The following EPHA6 variants were observed in gnomAD, a reference collection of about 807,000 sequenced individuals.
EPHA6 encodes the protein EPH receptor A6.
A neutral mutation model predicts 112.0 loss-of-function variants in EPHA6; 50 were observed. That is an observed-to-expected ratio of 0.45 (90% CI 0.36 to 0.56). EPHA6 has a LOEUF of 0.56. EPHA6 is among the 20% of genes least tolerant of loss of function. The pLI is 0.00. For synonymous variants in EPHA6, 529 were observed against 490.7 expected (o/e 1.08, Z -1.03); for missense variants, 1,280 against 1,417.4 (o/e 0.90, Z 1.56).
chr3:97,317,369 G>A (rs2081893931), intron 5 of EPHA6, among the ~76,000 whole-genome samples: 2 of 151,942 alleles, frequency 1.3e-5, no homozygotes, highest in African/African-American at 2.4e-5. Context: ...GCCCTGATGT[G>A]TAACCCAACC....
At chr3:97,380,283 T>C (rs1376172921) in intron 5 of EPHA6, among the ~76,000 whole-genome samples, 4 of 152,116 alleles carry the variant, frequency 2.6e-5, no homozygotes, top group Non-Finnish European at 5.9e-5. Flanking sequence ...AAAAAAGTTA[T>C]TGAAAAAAGA....
Position 97,749,165 on chromosome 3 carries a change from T to C in EPHA6, c.*464T>C, listed in dbSNP as rs2035833103. The stretch of plus-strand genomic sequence containing the variant: ...ATTTTTAGATAATTATATTCAGCTC[T>C]ATTGGTTGTATTATTACTTTATTTT... On this transcript the variant is annotated 3_prime_UTR_variant, in exon 18 of 18. Transcript: ENST00000389672. 2 of 229,492 alleles carry C rather than the reference T, an allele frequency of 8.7e-6. No individual in the cohort carries two copies. Among genetic ancestry groups the C allele is most frequent in the Non-Finnish European group, 1.7e-5 (2 of 115,400 alleles). The allele number at this position is 229,492 out of a possible 1,614,324, so 14.2% of individuals were successfully genotyped here.
At chr3:96,941,648 C>T (rs1214502430) in intron 2 of EPHA6, among the ~76,000 whole-genome samples, 2 of 152,324 alleles carry the variant, frequency 1.3e-5, no homozygotes, top group African/African-American at 2.4e-5. Flanking sequence ...TGAGGAACTG[C>T]GTTCCTTTGG....
Position 97,748,572 on chromosome 3 carries a change from TCTC to T in EPHA6, c.3279-12_3279-10del, listed in dbSNP as rs1433960272. On this transcript the variant is annotated splice_polypyrimidine_tract_variant and intron_variant, in intron 17 of 17. Coordinates refer to ENST00000389672, the MANE Select transcript of EPHA6 (RefSeq NM_001080448.3). ...CTCACTCTCGCTCTCACTCTTGCTC[TCTC>T]CTTTCTTTCAGTGACATTAGAAGAA... 3 of 1,381,206 alleles carry T rather than the reference TCTC, an allele frequency of 2.2e-6. No individual in the cohort carries two copies. The highest frequency in any genetic ancestry group is 1.7e-5 in the Admixed American group (1 of 58,692). 85.6% of individuals were successfully genotyped at this position (1,381,206 alleles called of 1,614,324 possible).
chr3:97,748,654 T>C lies in EPHA6; in HGVS notation c.3346T>C (p.Leu1116=), dbSNP rs780265753. Residue 1116 remains leucine, a synonymous_variant, in exon 18 of 18, where the codon TTA becomes CTA. Transcript: ENST00000389672. The stretch of plus-strand genomic sequence containing the variant: ...ACGAATAGTCAGCAGCATACAGACT[T>C]TACGTTTACACATGATGCACATACA... The part of the protein sequence containing the change: ...QRRIVSSIQT[L]RLHMMHIQEK... 1.2e-6 allele frequency: 2 copies of C among 1,612,288 alleles called. No homozygotes were observed. The highest frequency in any genetic ancestry group is 2.2e-5 in the East Asian group (1 of 44,864).
intron 3 of EPHA6, among the ~76,000 whole-genome samples, chr3:97,044,793 C>A (rs1457093567): frequency 6.6e-6 from 1 of 151,748 alleles, no homozygotes; most frequent in Non-Finnish European, 1.5e-5. Context: ...TTGAACTGTA[C>A]ATTAGAATAC....
chr3:97,189,265 CA>C (rs1262853821), intron 3 of EPHA6, among the ~76,000 whole-genome samples: 1 of 151,926 alleles, frequency 6.6e-6, no homozygotes, highest in African/African-American at 2.4e-5. Flanking sequence ...TAAGGATAAT[CA>C]ATATCAAGAA....
At chr3:96,988,522 CAT>C (rs747658404) in intron 3 of EPHA6, among the ~76,000 whole-genome samples, 2 of 152,056 alleles carry the variant, frequency 1.3e-5, no homozygotes, top group Non-Finnish European at 2.9e-5. Context: ...TTATTTCTAT[CAT>C]ATTGAATTAT....
intron 3 of EPHA6, among the ~76,000 whole-genome samples, chr3:97,122,407 A>C (rs1244144344): frequency 6.6e-6 from 1 of 152,078 alleles, no homozygotes; most frequent in Non-Finnish European, 1.5e-5. Flanking sequence ...GTTTTAATGG[A>C]TCTCAGAATC....
chr3:97,025,396 A>G (rs1234501823), intron 3 of EPHA6, among the ~76,000 whole-genome samples: 4 of 152,140 alleles, frequency 2.6e-5, no homozygotes, highest in Admixed American at 1.3e-4. Flanking sequence ...ATTTTATACT[A>G]GTCTTTTGCC....
chr3:97,310,266 G>A (rs1328824993), intron 5 of EPHA6, among the ~76,000 whole-genome samples: 1 of 151,466 alleles, frequency 6.6e-6, no homozygotes, highest in African/African-American at 2.4e-5. Flanking sequence ...CAGAGGATTT[G>A]CTGGCAGGCA....
At chr3:96,925,228 T>A (rs1283618705) in intron 2 of EPHA6, among the ~76,000 whole-genome samples, 1 of 152,162 alleles carries the variant, frequency 6.6e-6, no homozygotes, top group Non-Finnish European at 1.5e-5. Flanking sequence ...ATGTTACAGC[T>A]CTTTTTTGTG....
intron 2 of EPHA6, among the ~76,000 whole-genome samples, chr3:96,895,451 G>A (rs920360288): frequency 3.3e-5 from 5 of 152,062 alleles, no homozygotes; most frequent in African/African-American, 9.6e-5. Flanking sequence ...ATTTATTATT[G>A]GAGAAAGAAA....
At chr3:97,065,817 T>C (rs142726447) in intron 3 of EPHA6, among the ~76,000 whole-genome samples, 2,012 of 152,188 alleles carry the variant, frequency 0.013, 30 homozygotes, top group Admixed American at 0.026. Flanking sequence ...TATGATACTA[T>C]TTATTTTTAG....
intron 7 of EPHA6, among the ~76,000 whole-genome samples, chr3:97,469,421 T>A (rs1031918691): frequency 3.3e-5 from 5 of 151,758 alleles, no homozygotes; most frequent in Non-Finnish European, 7.4e-5. Flanking sequence ...TGTTTTATAG[T>A]ATGTGGACCT....
intron 3 of EPHA6, among the ~76,000 whole-genome samples, chr3:97,109,904 A>G (rs536438134): frequency 1.3e-5 from 2 of 152,220 alleles, no homozygotes; most frequent in East Asian, 1.9e-4. Flanking sequence ...AATTTCCACC[A>G]AAATAATCAC....
intron 1 of EPHA6, among the ~76,000 whole-genome samples, chr3:96,821,506 T>A (rs1274322384): frequency 6.6e-6 from 1 of 151,906 alleles, no homozygotes; most frequent in Non-Finnish European, 1.5e-5. Context: ...AAAATGATTA[T>A]TTAAGCAGAT....
At chr3:97,528,175 A>T (rs1242206362) in intron 10 of EPHA6, among the ~76,000 whole-genome samples, 2 of 152,052 alleles carry the variant, frequency 1.3e-5, no homozygotes, top group Non-Finnish European at 2.9e-5. Context: ...TTATTAAGTG[A>T]CCCTACTTTG....
intron 2 of EPHA6, among the ~76,000 whole-genome samples, chr3:96,984,232 G>C (rs561037919): frequency 6.6e-6 from 1 of 152,024 alleles, no homozygotes; most frequent in East Asian, 1.9e-4. Flanking sequence ...TGGGGTTTTG[G>C]TGTGGATGTC....
Sources: allele counts gnomAD v4.1 joint callset (sites outside exome capture counted in the v4.1 genomes callset), GRCh38; gene constraint gnomAD v4.1.1; transcripts MANE v1.5; gene names NCBI Gene and HGNC (gene_info 2026-07-23, HGNC 2026-07-21).